Variants in ATG16L1 observed in about 807,000 individuals in gnomAD.
The protein encoded by ATG16L1 is autophagy related 16 like 1.
Under a neutral mutation model 88.5 loss-of-function variants are expected in ATG16L1, and 37 were observed. The ratio of observed to expected loss-of-function variants is 0.42; its 90% CI spans 0.32 to 0.55. The LOEUF (loss-of-function observed/expected upper bound fraction) is 0.55. Ranked by LOEUF, ATG16L1 falls within the 20% of genes least tolerant of loss-of-function variation. The probability of loss-of-function intolerance (pLI) is 0.13; values close to 1 mark genes in which losing one functional copy is unlikely to be tolerated. For missense variants in ATG16L1, 554 were observed against 752.8 expected (o/e 0.74, Z 3.09); for synonymous variants, 301 against 281.0 (o/e 1.07, Z -0.71).
At position 233,282,722 on chromosome 2, in the gene ATG16L1, G is replaced by A. The variant is rs1698800308; in HGVS notation, c.1172G>A (p.Arg391Gln). Residue 391 changes from arginine (R) to glutamine (Q), a missense_variant, in exon 12 of 18, where the codon CGA becomes CAA. By Grantham distance (43) the Arg-to-Gln change is conservative. Coordinates refer to ENST00000392017, the MANE Select transcript of ATG16L1 (RefSeq NM_030803.7). ...LLAASNDFAS[R>Q]IWTVDDYRLR... ...GCAGCTTCAAATGATTTTGCAAGCC[G>A]AATCTGGACTGTGGATGATTATCGA... 6.2e-7 allele frequency: 1 copy of A among 1,614,072 alleles called. No homozygotes were observed. Among genetic ancestry groups the A allele is most frequent in the Non-Finnish European group, 8.5e-7 (1 of 1,179,986 alleles).
At chr2:233,277,847 A>T (rs1698478591) in intron 10 of ATG16L1, among the ~76,000 whole-genome samples, 174 bp downstream of exon 10, 1 of 152,164 alleles carries the variant, frequency 6.6e-6, no homozygotes, top group African/African-American at 2.4e-5. Flanking sequence ...AGCATCATAC[A>T]TCTCAGTTAT....
In ATG16L1 at chr2:233,281,091, T is replaced by G; in HGVS notation, c.1061-14T>G. 6.4e-7 allele frequency: 1 copy of G among 1,560,380 alleles called. No homozygotes were observed. The highest frequency in any genetic ancestry group is 8.7e-7 in the Non-Finnish European group (1 of 1,151,046). On this transcript the variant is annotated splice_polypyrimidine_tract_variant and intron_variant, in intron 10 of 17. Coordinates refer to ENST00000392017, the MANE Select transcript of ATG16L1 (RefSeq NM_030803.7). The stretch of plus-strand genomic sequence containing the variant: ...TTTAACTTCCCATCATCCTAATTTT[T>G]TCTTTTTATACAGAAAAATGTGAGT...
intron 2 of ATG16L1, among the ~76,000 whole-genome samples, chr2:233,257,286 C>T (rs1253419677): frequency 2.0e-5 from 3 of 152,146 alleles, no homozygotes; most frequent in Non-Finnish European, 2.9e-5. Context: ...GCCTCGGCCT[C>T]CCAGAGAGGT....
chr2:233,264,068 G>T lies in ATG16L1; in HGVS notation c.389+3G>T. ...GAGATGCAGATGAATGAAGCAAAGT[G>T]AGTAGAGACCCCGCCTCCTTGGAGC... On this transcript the variant is annotated splice_donor_region_variant and intron_variant, in intron 4 of 17. Transcript: ENST00000392017. 1.2e-6 allele frequency: 2 copies of T among 1,613,990 alleles called. No individual in the cohort carries two copies. Among genetic ancestry groups the T allele is most frequent in the South Asian group, 2.2e-5 (2 of 91,064 alleles).
At position 233,273,710 on chromosome 2, in the gene ATG16L1, C is replaced by T. The variant is rs372958037; in HGVS notation, c.795-11C>T. The T allele has an allele frequency of 4.3e-6, 7 of 1,613,906 alleles. No individual in the cohort carries two copies. Among genetic ancestry groups the T allele is most frequent in the Admixed American group, 1.7e-5 (1 of 59,994 alleles). On this transcript the variant is annotated splice_polypyrimidine_tract_variant and intron_variant, in intron 7 of 17. Transcript: ENST00000392017. ...TTCTAAGGTTTAAACCTATCCTCCC[C>T]TCCTCTTTAGTAAGCGACTCTCGCA...
intron 2 of ATG16L1, among the ~76,000 whole-genome samples, chr2:233,259,965 G>A (rs987354408): frequency 2.6e-5 from 4 of 152,204 alleles, no homozygotes; most frequent in African/African-American, 9.6e-5. Flanking sequence ...TAGGGCTGTA[G>A]AGATGAGTAA....
At chr2:233,276,767 G>T (rs1388096926) in intron 9 of ATG16L1, among the ~76,000 whole-genome samples, 2 of 152,212 alleles carry the variant, frequency 1.3e-5, no homozygotes, top group East Asian at 3.8e-4. Flanking sequence ...GTGTGCCACT[G>T]CACCCAGCCA....
chr2:233,290,191 A>G, intron 13 of ATG16L1, 57 bp from the exon 14 acceptor site: 2 of 1,568,840 alleles, frequency 1.3e-6, no homozygotes, highest in South Asian at 2.2e-5. Flanking sequence ...TGGCAGCATT[A>G]TGTAAACAGC....
At chr2:233,269,507 TTTCATA>T (rs1264838853) in intron 5 of ATG16L1, among the ~76,000 whole-genome samples, 1 of 152,218 alleles carries the variant, frequency 6.6e-6, no homozygotes, top group Admixed American at 6.5e-5. Context: ...TTCAACTGAA[TTTCATA>T]TTTAGACCTG....
chr2:233,271,169 C>T (rs984866418), intron 6 of ATG16L1, among the ~76,000 whole-genome samples: 3 of 152,148 alleles, frequency 2.0e-5, no homozygotes, highest in Non-Finnish European at 2.9e-5. Context: ...TTTGCATAAC[C>T]GGGTTGACTG....
intron 6 of ATG16L1, among the ~76,000 whole-genome samples, chr2:233,272,608 A>G (rs558185335): frequency 2.6e-5 from 4 of 152,122 alleles, no homozygotes; most frequent in Non-Finnish European, 5.9e-5. Flanking sequence ...GCCCTTCAAC[A>G]GTGATGCTGA....
chr2:233,268,028 A>G (rs912540705), intron 5 of ATG16L1, among the ~76,000 whole-genome samples: 3 of 152,288 alleles, frequency 2.0e-5, no homozygotes, highest in Non-Finnish European at 2.9e-5. Context: ...GATGTCCCTC[A>G]TCTTCCTGCT....
chr2:233,260,492 G>A (rs769108401), intron 2 of ATG16L1, among the ~76,000 whole-genome samples: 38 of 152,328 alleles, frequency 2.5e-4, no homozygotes, highest in Middle Eastern at 3.4e-3. Context: ...TCACCAGAGC[G>A]CAGAAAGTCA....
intron 12 of ATG16L1, among the ~76,000 whole-genome samples, chr2:233,284,041 G>T (rs558140876): frequency 6.9e-6 from 1 of 145,576 alleles, no homozygotes; most frequent in South Asian, 2.2e-4. Context: ...TAGAGATGGG[G>T]TTTCACCATC....
At chr2:233,281,954 G>A (rs1698746465) in intron 11 of ATG16L1, among the ~76,000 whole-genome samples, 1 of 152,104 alleles carries the variant, frequency 6.6e-6, no homozygotes, top group South Asian at 2.1e-4. Flanking sequence ...CAAGTGTCTG[G>A]GCGTTAATCA....
chr2:233,276,564 T>C lies in ATG16L1; in HGVS notation c.955-1004T>C, dbSNP rs1184020391. On this transcript the variant is annotated intron_variant, in intron 9 of 17. Coordinates refer to ENST00000392017, the MANE Select transcript of ATG16L1 (RefSeq NM_030803.7). ...ATCTCAGCTCAGTGCAGTCTCAACC[T>C]TGGGCTGAAGCAATCCTCCCACCTC... Among the ~76,000 whole-genome samples the C allele has an allele frequency of 2.6e-5, 4 of 152,298 alleles. 1 individual carries two copies. The East Asian group carries it at 7.7e-4, about 29-fold the overall frequency.
chr2:233,290,866 G>A (rs939229163), intron 14 of ATG16L1, among the ~76,000 whole-genome samples: 2 of 152,296 alleles, frequency 1.3e-5, no homozygotes, highest in South Asian at 2.1e-4. Context: ...TTGAAATCAG[G>A]TTGCCACAGG....
At chr2:233,261,946 C>A (rs1353880697) in intron 2 of ATG16L1, among the ~76,000 whole-genome samples, 1 of 152,188 alleles carries the variant, frequency 6.6e-6, no homozygotes, top group Non-Finnish European at 1.5e-5. Flanking sequence ...ACATGTTAGC[C>A]TCCAGCTTGG....
intron 5 of ATG16L1, among the ~76,000 whole-genome samples, chr2:233,266,471 A>C (rs1697588996): frequency 6.6e-6 from 1 of 152,156 alleles, no homozygotes; most frequent in South Asian, 2.1e-4. Context: ...AACAAACAAA[A>C]AAGCTCTACA....
Sources: allele counts gnomAD v4.1 joint callset (sites outside exome capture counted in the v4.1 genomes callset), GRCh38; gene constraint gnomAD v4.1.1; transcripts MANE v1.5; gene names NCBI Gene and HGNC (gene_info 2026-07-23, HGNC 2026-07-21).